Variants in DNM2 observed in about 807,000 individuals in gnomAD.
The protein encoded by DNM2 is dynamin 2, also known as dynamin-2.
Under a neutral mutation model 99.0 loss-of-function variants are expected in DNM2, and 15 were observed. That is an observed-to-expected ratio of 0.15 (90% CI 0.10 to 0.23). DNM2 has a LOEUF of 0.23. Among genes scored for constraint, DNM2 ranks in the 10% least tolerant of loss-of-function variants. The pLI, the probability that DNM2 is intolerant of heterozygous loss-of-function variation, is 1.00. For missense variants in DNM2, 742 were observed against 1,189.4 expected, an observed-to-expected ratio of 0.62 and a Z score of 5.53; for synonymous variants, 525 against 481.2, an observed-to-expected ratio of 1.09 and a Z score of -1.19.
chr19:10,773,224 T>C (rs946178570), intron 3 of DNM2, among the ~76,000 whole-genome samples: 1 of 150,422 alleles, frequency 6.6e-6, no homozygotes, highest in African/African-American at 2.5e-5. Flanking sequence ...CTCAGCTCAC[T>C]GCAGTCTCCG....
chr19:10,751,698 T>G (rs185658590), intron 1 of DNM2, among the ~76,000 whole-genome samples: 23 of 152,366 alleles, frequency 1.5e-4, no homozygotes, highest in African/African-American at 3.8e-4. Flanking sequence ...CTCCTGGCGC[T>G]CTCAGCCTGG....
chr19:10,768,838 T>C (rs1448363730), intron 2 of DNM2: 1 of 152,324 alleles, frequency 6.6e-6, no homozygotes, highest in Non-Finnish European at 1.5e-5. Context: ...TGGGCGTCCC[T>C]TCCCTGGTGG....
intron 1 of DNM2, among the ~76,000 whole-genome samples, chr19:10,753,679 C>T (rs887584203): frequency 7.9e-5 from 12 of 151,270 alleles, no homozygotes; most frequent in South Asian, 2.1e-4. Context: ...TCCCCCGAGA[C>T]GGAGTTTCGC....
intron 18 of DNM2, among the ~76,000 whole-genome samples, chr19:10,826,723 C>CA (rs945300953): frequency 6.6e-6 from 1 of 151,486 alleles, no homozygotes; most frequent in South Asian, 2.1e-4. Context: ...CCAGTCTCTA[C>CA]AAAAAATTTA....
intron 1 of DNM2, among the ~76,000 whole-genome samples, chr19:10,724,871 G>A (rs1003075826): frequency 2.6e-5 from 4 of 152,222 alleles, no homozygotes; most frequent in African/African-American, 9.6e-5. Context: ...CTGTGCCGGG[G>A]ATGCTGGCGT....
In DNM2 at chr19:10,765,496, C is replaced by T. The variant is rs1263184464; in HGVS notation, c.235+5685C>T. ...ATCACTCTGCCATTCCATCTGCAGC[C>T]TTGTATCTAGAGAGCAGACCAAGCT... is the stretch of plus-strand genomic sequence containing the variant. On this transcript the variant is annotated intron_variant, in intron 2 of 20. Transcript: ENST00000389253. This position sits in a 1 kb window ranked among gnomAD's most constrained non-coding sequence, Gnocchi z 4.4. Among the ~76,000 whole-genome samples the T allele has an allele frequency of 9.2e-5, 14 of 152,206 alleles. No homozygotes were observed. The highest frequency in any genetic ancestry group is 9.2e-4 in the Admixed American group (14 of 15,286).
Position 10,812,784 on chromosome 19 carries a change from C to T in DNM2, c.1671+407C>T, listed in dbSNP as rs1384277641. On this transcript the variant is annotated intron_variant, in intron 15 of 20. Transcript: ENST00000389253. The surrounding 1 kb of genome is among the most constrained non-coding windows in gnomAD (Gnocchi z 4.0). ...CCTGGGCGAGAGAGCGAGACTCCAT[C>T]TCAAAATAAACAAACAAACAAACAA... Among the ~76,000 whole-genome samples, 3 of 152,126 alleles carry T rather than the reference C, an allele frequency of 2.0e-5. No individual in the cohort carries two copies. Among genetic ancestry groups the T allele is most frequent in the Non-Finnish European group, 4.4e-5 (3 of 68,020 alleles).
rs552366130 is a variant in DNM2, at chr19:10,783,067, C to G, written c.796C>G (p.Arg266Gly). 11 of 1,613,840 alleles carry G rather than the reference C, an allele frequency of 6.8e-6. No homozygotes were observed. The highest frequency in any genetic ancestry group is 9.3e-6 in the Non-Finnish European group (11 of 1,180,052). Residue 266 changes from arginine (R) to glycine (G), a missense_variant, in exon 6 of 21, where the codon CGG (arginine) becomes GGG (glycine). Arg to Gly is a moderately radical substitution (Grantham distance 125). Around this residue, in one of 7 missense-constraint regions of DNM2, gnomAD observed 192 missense variants for 358.9 expected, o/e 0.54. Transcript: ENST00000389253. ...RKFFLSHPAYRHMADRMGTPH... is the reference protein window; with the variant it reads ...RKFFLSHPAYGHMADRMGTPH... ...GTTCTTCCTCTCCCACCCGGCCTAC[C>G]GGCACATGGCCGACCGCATGGGCAC...
In DNM2 at chr19:10,795,056, G is replaced by A. The variant is rs2071886099; in HGVS notation, c.1129-316G>A. Reference sequence around the variant, plus strand: ...CCACCTCAGCCTCCCGAGTAGCTGGGACTATAGGCGTGCACCAGCCCACCT... The same window carrying A: ...CCACCTCAGCCTCCCGAGTAGCTGGAACTATAGGCGTGCACCAGCCCACCT... On this transcript the variant is annotated intron_variant, in intron 8 of 20. Coordinates refer to ENST00000389253, the MANE Select transcript of DNM2 (RefSeq NM_001005361.3). The surrounding 1 kb of genome is among the most constrained non-coding windows in gnomAD (Gnocchi z 4.2). 1.3e-5 allele frequency among the ~76,000 whole-genome samples: 2 copies of A among 152,070 alleles called. No individual in the cohort carries two copies. The highest frequency in any genetic ancestry group is 2.9e-5 in the Non-Finnish European group (2 of 68,018).
intron 17 of DNM2, 41 bp downstream of exon 17, chr19:10,823,940 C>T (rs1451118631): frequency 1.2e-6 from 2 of 1,600,638 alleles, no homozygotes; most frequent in Non-Finnish European, 1.7e-6. Flanking sequence ...GAGCCCCCAC[C>T]TGGGAGAGGA....
Position 10,811,385 on chromosome 19 carries a change from C to T in DNM2, c.1558-879C>T, listed in dbSNP as rs2072537620. The T allele has an allele frequency of 3.6e-6, 1 of 275,640 alleles. No individual in the cohort carries two copies. Among genetic ancestry groups the T allele is most frequent in the Non-Finnish European group, 7.3e-6 (1 of 137,922 alleles). The allele number at this position is 275,640 out of a possible 1,614,324, so 17.1% of individuals were successfully genotyped here. A position where few individuals can be genotyped will look rare whatever the true frequency, so the allele number is the denominator to read the frequency against. On this transcript the variant is annotated intron_variant, in intron 14 of 20. Transcript: ENST00000389253. The surrounding 1 kb of genome is among the most constrained non-coding windows in gnomAD (Gnocchi z 5.4). ...GGGCCCCAGAGGGATTCCTGGAGGC[C>T]CCATCTCTGGCGCTCCTGCCGTGCC...
At chr19:10,815,049 G>A (rs770123791) in intron 15 of DNM2, among the ~76,000 whole-genome samples, 3 of 152,220 alleles carry the variant, frequency 2.0e-5, no homozygotes, top group Non-Finnish European at 1.5e-5. Flanking sequence ...ATGGATTTGC[G>A]TCTGTAACAG....
intron 18 of DNM2, among the ~76,000 whole-genome samples, chr19:10,827,102 A>G (rs1366428565): frequency 2.0e-5 from 3 of 151,822 alleles, no homozygotes; most frequent in Admixed American, 6.6e-5. Context: ...ACACACACAC[A>G]CCTCCCACGT....
chr19:10,738,141 C>T (rs2069598373), intron 1 of DNM2, among the ~76,000 whole-genome samples: 2 of 152,010 alleles, frequency 1.3e-5, no homozygotes, highest in Admixed American at 1.3e-4. Context: ...GCTTGTAATC[C>T]CAGCACTTTG....
At chr19:10,828,710 A>ATT (rs2073231275) in intron 18 of DNM2, among the ~76,000 whole-genome samples, 1 of 152,158 alleles carries the variant, frequency 6.6e-6, no homozygotes, top group South Asian at 2.1e-4. Flanking sequence ...AAATAAGTTG[A>ATT]ATAAGAATCT....
chr19:10,819,683 G>A (rs1156979298), intron 15 of DNM2, among the ~76,000 whole-genome samples: 2 of 152,162 alleles, frequency 1.3e-5, no homozygotes, highest in Non-Finnish European at 2.9e-5. Flanking sequence ...TGGGGAGGGT[G>A]CGGGTAGAGT....
chr19:10,795,843 T>A lies in DNM2; in HGVS notation c.1196+404T>A. The A allele has an allele frequency of 1.5e-6, 1 of 687,356 alleles. No individual in the cohort carries two copies. The highest frequency in any genetic ancestry group is 2.5e-6 in the Non-Finnish European group (1 of 400,828). 42.6% of individuals were successfully genotyped at this position (687,356 alleles called of 1,614,324 possible). On this transcript the variant is annotated intron_variant, in intron 9 of 20. Transcript: ENST00000389253. The surrounding 1 kb of genome is among the most constrained non-coding windows in gnomAD (Gnocchi z 4.2). Reference sequence around the variant, plus strand: ...TGAGCCTCTTGGGTCCCCTCCTTATTCTAACAAAGGTAGTTGCTCCAGGTG... The same window carrying A: ...TGAGCCTCTTGGGTCCCCTCCTTATACTAACAAAGGTAGTTGCTCCAGGTG...
intron 15 of DNM2, among the ~76,000 whole-genome samples, chr19:10,813,852 A>G (rs1188114094): frequency 1.3e-5 from 2 of 149,840 alleles, no homozygotes; most frequent in African/African-American, 4.9e-5. Flanking sequence ...AAGAAGAAGA[A>G]GAAATAGACA....
intron 13 of DNM2, 27 bp from the exon 14 acceptor site, chr19:10,808,542 C>G: frequency 6.2e-7 from 1 of 1,611,154 alleles, no homozygotes; most frequent in Non-Finnish European, 8.5e-7. Flanking sequence ...CTGATTTACC[C>G]ACAACCCTAA....
Sources: allele counts gnomAD v4.1 joint callset (sites outside exome capture counted in the v4.1 genomes callset), GRCh38; gene constraint gnomAD v4.1.1; regional missense constraint gnomAD v4.1.1; non-coding constraint Gnocchi (gnomAD v3.1); transcripts MANE v1.5; gene names NCBI Gene and HGNC (gene_info 2026-07-23, HGNC 2026-07-21).